ERGIC2: variants seen among roughly 807,000 people sequenced by gnomAD.
The protein encoded by ERGIC2 is endoplasmic reticulum-Golgi intermediate compartment protein 2.
A neutral mutation model predicts 52.5 loss-of-function variants in ERGIC2; 31 were observed. The observed-to-expected ratio is 0.59, with a 90% CI of 0.44 to 0.80. ERGIC2 has a LOEUF of 0.80. ERGIC2 is among the 30% of genes least tolerant of loss of function. ERGIC2 has a pLI of 0.00. For synonymous variants in ERGIC2, 129 were observed against 140.6 expected (o/e 0.92, Z 0.58); for missense variants, 395 against 455.2 (o/e 0.87, Z 1.20).
At position 29,338,329 on chromosome 12, in the gene ERGIC2, A is replaced by C. The variant is rs1383433354; in HGVS notation, c.*2827T>G. On this transcript the variant is annotated 3_prime_UTR_variant, in exon 14 of 14. Coordinates refer to ENST00000360150, the MANE Select transcript of ERGIC2 (RefSeq NM_016570.3). ...ACATACATGAGAAAAGTGTGATATT[A>C]ATCATCTAACTTGAGAACTAGAAGT... The C allele has an allele frequency of 6.6e-6, 1 of 152,024 alleles. No homozygotes were observed. The highest frequency in any genetic ancestry group is 2.4e-5 in the African/African-American group (1 of 41,394). 9.4% of individuals were successfully genotyped at this position (152,024 alleles called of 1,614,324 possible). A position where few individuals can be genotyped will look rare whatever the true frequency, so the allele number is the denominator to read the frequency against.
chr12:29,338,066 C>T lies in ERGIC2; in HGVS notation c.*3090G>A, dbSNP rs960827808. 2.0e-5 allele frequency: 3 copies of T among 151,288 alleles called. No individual in the cohort carries two copies. Among genetic ancestry groups the T allele is most frequent in the Admixed American group, 2.0e-4 (3 of 15,164 alleles). The allele number at this position is 151,288 out of a possible 1,614,324, so 9.4% of individuals were successfully genotyped here. ...GTACGCACCTGTAGTCCCAGCTACT[C>T]AACAGGCTGAGGCAGGAGAATCACT... On this transcript the variant is annotated 3_prime_UTR_variant, in exon 14 of 14. Coordinates refer to ENST00000360150, the MANE Select transcript of ERGIC2 (RefSeq NM_016570.3).
At chr12:29,341,274 C>T in intron 13 of ERGIC2, 56 bp from the exon 14 acceptor site, 1 of 1,354,994 alleles carries the variant, frequency 7.4e-7, no homozygotes, top group Non-Finnish European at 1.0e-6. Context: ...TCCTTATACT[C>T]TTTCCTCTAA....
chr12:29,366,386 AAAG>A, intron 5 of ERGIC2, among the ~76,000 whole-genome samples: 1 of 152,100 alleles, frequency 6.6e-6, no homozygotes, highest in South Asian at 2.1e-4. Context: ...ATAGAGGCGT[AAAG>A]GAGGAAGGAA....
chr12:29,356,591 T>G, intron 7 of ERGIC2, 114 bp from the exon 8 acceptor site: 1 of 547,792 alleles, frequency 1.8e-6, no homozygotes, highest in South Asian at 2.6e-5. Flanking sequence ...GGTAATATTC[T>G]AAATGTTAAA....
chr12:29,368,097 A>G (rs1940389828), intron 4 of ERGIC2, 144 bp downstream of exon 4: 1 of 629,578 alleles, frequency 1.6e-6, no homozygotes, highest in Non-Finnish European at 2.8e-6. Context: ...GAGTAAAACA[A>G]TTTGTATTAT....
chr12:29,371,540 T>C lies in ERGIC2; in HGVS notation c.94A>G (p.Ser32Gly), dbSNP rs1335835277. The change falls in exon 2 of 14, where the codon AGT becomes GGT. Residue 32 changes from serine (S) to glycine (G), a missense_variant. Ser to Gly is a moderately conservative substitution (Grantham distance 56). Transcript: ENST00000360150. Reference sequence around the variant, plus strand: ...AACTGATACTCACCTGTACCTCCACTGGCTGAAGTCTCTACATAGCTCTCA... The same window carrying C: ...AACTGATACTCACCTGTACCTCCACCGGCTGAAGTCTCTACATAGCTCTCA... ...VPESYVETSA[S>G]GGTVSLIAFT... The C allele has an allele frequency of 3.1e-6, 5 of 1,606,992 alleles. No homozygotes were observed. The highest frequency in any genetic ancestry group is 4.2e-6 in the Non-Finnish European group (5 of 1,176,648).
chr12:29,356,619 A>C (rs543011698), intron 7 of ERGIC2, 142 bp from the exon 8 acceptor site: 2 of 485,504 alleles, frequency 4.1e-6, no homozygotes, highest in South Asian at 6.7e-5. Context: ...TAGTTTCCTG[A>C]AGTCTAGACA....
chr12:29,362,409 C>CTACTAAAATACAAAAAAACCCTGTCTG (rs1940299684), intron 5 of ERGIC2, among the ~76,000 whole-genome samples: 1 of 151,948 alleles, frequency 6.6e-6, no homozygotes, highest in South Asian at 2.1e-4. Context: ...AACCCTGCCT[C>CTACTAAAATACAAAAAAACCCTGTCTG]TACTAAAATA....
chr12:29,370,361 A>C, intron 2 of ERGIC2, 139 bp from the exon 3 acceptor site: 6 of 970,306 alleles, frequency 6.2e-6, no homozygotes, highest in Non-Finnish European at 8.5e-6. Flanking sequence ...ATACTATAGA[A>C]GGTTTTTATT....
At position 29,356,303 on chromosome 12, in the gene ERGIC2, G is replaced by A. The variant is rs867523128; in HGVS notation, c.572+79C>T. The A allele has an allele frequency of 3.2e-4, 266 of 836,376 alleles. 2 individuals carry two copies. The African/African-American group carries it at 3.4e-3, about 11-fold the overall frequency. 51.8% of individuals were successfully genotyped at this position (836,376 alleles called of 1,614,324 possible). On this transcript the variant is annotated intron_variant, in intron 8 of 13. Transcript: ENST00000360150. ...CTCCCAAAGTGCTGGGATTACAGGC[G>A]CGAGCCATCGGCCAGAATTTACTTT...
At chr12:29,344,636 C>T (rs970603192) in intron 11 of ERGIC2, among the ~76,000 whole-genome samples, 26 of 151,962 alleles carry the variant, frequency 1.7e-4, no homozygotes, top group African/African-American at 5.8e-4. Context: ...ACACTTCACC[C>T]CTAAAAACTC....
At chr12:29,371,416 C>A in intron 2 of ERGIC2, 112 bp downstream of exon 2, 3 of 666,048 alleles carry the variant, frequency 4.5e-6, no homozygotes, top group East Asian at 2.8e-5. Flanking sequence ...TACGAAGTTA[C>A]GGCAGAATTC....
Position 29,356,483 on chromosome 12 carries a change from A to G in ERGIC2, c.477-6T>C, listed in dbSNP as rs1337215690. 1.4e-6 allele frequency: 2 copies of G among 1,475,288 alleles called. No homozygotes were observed. The highest frequency in any genetic ancestry group is 1.7e-5 in the Admixed American group (1 of 59,602). The allele number at this position is 1,475,288 out of a possible 1,614,324, so 91.4% of individuals were successfully genotyped here. ...ACTGTGATGAATCATCTTCTCTGTTAAAATAAGATATATTATTTAAAGCAC... is the reference window on the plus strand; with the variant it reads ...ACTGTGATGAATCATCTTCTCTGTTGAAATAAGATATATTATTTAAAGCAC... On this transcript the variant is annotated splice_region_variant and splice_polypyrimidine_tract_variant and intron_variant, in intron 7 of 13. Transcript: ENST00000360150.
Position 29,371,624 on chromosome 12 carries a change from G to A in ERGIC2, c.10C>T (p.Leu4=). 6.2e-7 allele frequency: 1 copy of A among 1,612,684 alleles called. No homozygotes were observed. Among genetic ancestry groups the A allele is most frequent in the Non-Finnish European group, 8.5e-7 (1 of 1,179,062 alleles). The change falls in exon 2 of 14, where the codon CTG becomes TTG. Residue 4 remains leucine, a synonymous_variant. Coordinates refer to ENST00000360150, the MANE Select transcript of ERGIC2 (RefSeq NM_016570.3). ...AAACTTAAAGTTTTTTTCCGATTCAGTCGCCTCATCTTCAGGAAAACCTTC... is the reference window on the plus strand; with the variant it reads ...AAACTTAAAGTTTTTTTCCGATTCAATCGCCTCATCTTCAGGAAAACCTTC... MRR[L]NRKKTLSLVK... is the part of the protein sequence containing the mutation.
chr12:29,347,949 C>A (rs1018541474), intron 10 of ERGIC2, among the ~76,000 whole-genome samples: 2 of 152,108 alleles, frequency 1.3e-5, no homozygotes, highest in African/African-American at 4.8e-5. Context: ...AGCTTCTGTG[C>A]AAAAATTTGT....
intron 5 of ERGIC2, among the ~76,000 whole-genome samples, chr12:29,365,460 G>T (rs1940346997): frequency 6.6e-6 from 1 of 151,766 alleles, no homozygotes; most frequent in South Asian, 2.1e-4. Context: ...TATTAGAGAG[G>T]GGAGGGAGGG....
At chr12:29,358,900 T>G (rs749907411) in intron 6 of ERGIC2, among the ~76,000 whole-genome samples, 3 of 152,074 alleles carry the variant, frequency 2.0e-5, no homozygotes, top group Non-Finnish European at 4.4e-5. Context: ...TTATACTGTA[T>G]AGTTTGGAAT....
chr12:29,359,410 GAAA>G (rs35988803), intron 6 of ERGIC2, among the ~76,000 whole-genome samples: 1 of 151,778 alleles, frequency 6.6e-6, no homozygotes, highest in Non-Finnish European at 1.5e-5. Flanking sequence ...GTGTGTTTAT[GAAA>G]AAAATTTCTG....
At chr12:29,381,035 G>A (rs943427121) in intron 1 of ERGIC2, 80 bp downstream of exon 1, 2 of 152,336 alleles carry the variant, frequency 1.3e-5, no homozygotes, top group Admixed American at 1.3e-4. Context: ...CAGGCTCCCA[G>A]TTCCCTCAAT....
Sources: allele counts gnomAD v4.1 joint callset (sites outside exome capture counted in the v4.1 genomes callset), GRCh38; gene constraint gnomAD v4.1.1; transcripts MANE v1.5; gene names NCBI Gene and HGNC (gene_info 2026-07-23, HGNC 2026-07-21).